The following RANBP2 variants were observed in gnomAD, a reference collection of about 807,000 sequenced individuals.
The protein encoded by RANBP2 is E3 SUMO-protein ligase RanBP2.
RANBP2 carries 57 observed loss-of-function variants against 303.6 expected under a neutral mutation model. The observed-to-expected ratio is 0.19, with a 90% CI of 0.15 to 0.23. RANBP2 has a LOEUF of 0.23. RANBP2 is among the 10% of genes least tolerant of loss of function. The pLI is 1.00. For missense variants in RANBP2, 3,138 were observed against 3,780.8 expected (o/e 0.83, Z 4.46); for synonymous variants, 1,167 against 1,301.5 (o/e 0.90, Z 2.23).
At chr2:109,623,995 T>C in the RANBP2 span, among the ~76,000 whole-genome samples, 79,431 of 152,036 alleles carry the variant, frequency 0.52, 24,091 homozygotes, top group Middle Eastern at 0.76. Context: ...TACAACAACG[T>C]GATAGGTGCC....
chr2:109,329,111 C>T, the RANBP2 span, among the ~76,000 whole-genome samples: 1,271 of 152,270 alleles, frequency 8.3e-3, 15 homozygotes, highest in East Asian at 0.044. Context: ...CTTACTCTTT[C>T]ATCTCCAAAT....
At chr2:109,737,738 GTTATTTTT>G in the RANBP2 span, among the ~76,000 whole-genome samples, 1 of 152,074 alleles carries the variant, frequency 6.6e-6, no homozygotes, top group South Asian at 2.1e-4. Flanking sequence ...TCCAGTATTT[GTTATTTTT>G]TTGTGTTTTT....
the RANBP2 span, among the ~76,000 whole-genome samples, chr2:109,121,662 T>C: frequency 6.6e-6 from 1 of 152,168 alleles, no homozygotes; most frequent in Non-Finnish European, 1.5e-5. Flanking sequence ...TGTCCTCTGC[T>C]TAGCAAGTGG....
chr2:109,147,828 C>G, the RANBP2 span, among the ~76,000 whole-genome samples: 2 of 152,164 alleles, frequency 1.3e-5, no homozygotes, highest in Non-Finnish European at 1.5e-5. Context: ...TTTAATAACT[C>G]CTGTAGATGA....
chr2:109,118,555 A>G, the RANBP2 span, among the ~76,000 whole-genome samples: 1 of 148,030 alleles, frequency 6.8e-6, no homozygotes, highest in East Asian at 2.3e-4. Context: ...ACTCAGCTGG[A>G]CTGGCAAAAC....
At chr2:109,621,087 C>T in the RANBP2 span, among the ~76,000 whole-genome samples, 10 of 152,208 alleles carry the variant, frequency 6.6e-5, no homozygotes, top group African/African-American at 2.2e-4. Context: ...AGCAGCCTAA[C>T]TTAGGATAAA....
chr2:109,476,748 T>TGAGCC, the RANBP2 span, among the ~76,000 whole-genome samples: 1 of 152,198 alleles, frequency 6.6e-6, no homozygotes, highest in East Asian at 1.9e-4. Flanking sequence ...GAATAGCTGT[T>TGAGCC]CCATAGACAG....
At chr2:109,387,290 G>A in the RANBP2 span, among the ~76,000 whole-genome samples, 2 of 152,122 alleles carry the variant, frequency 1.3e-5, no homozygotes, top group Non-Finnish European at 2.9e-5. Flanking sequence ...CCTTTTCTCA[G>A]CGCCAGGGCC....
At chr2:108,880,852 GAT>G in the RANBP2 span, among the ~76,000 whole-genome samples, 1 of 152,164 alleles carries the variant, frequency 6.6e-6, no homozygotes, top group East Asian at 1.9e-4. Flanking sequence ...TTCCATGCCT[GAT>G]AACATAACAT....
the RANBP2 span, among the ~76,000 whole-genome samples, chr2:109,022,755 A>T: frequency 3.3e-5 from 5 of 152,316 alleles, no homozygotes; most frequent in East Asian, 5.8e-4. Flanking sequence ...TCTATTTTTT[A>T]AAAAAGAATT....
the RANBP2 span, among the ~76,000 whole-genome samples, chr2:109,055,824 G>T: frequency 5.0e-5 from 7 of 140,982 alleles, no homozygotes; most frequent in South Asian, 2.3e-4. Context: ...GCAGTGGCGC[G>T]ATCTTGGCTC....
the RANBP2 span, among the ~76,000 whole-genome samples, chr2:109,414,687 C>T: frequency 4.6e-5 from 7 of 152,206 alleles, no homozygotes; most frequent in Admixed American, 2.6e-4. Flanking sequence ...CCAGCACCCT[C>T]ATCATCCACA....
At chr2:109,085,180 C>T in the RANBP2 span, among the ~76,000 whole-genome samples, 9 of 152,282 alleles carry the variant, frequency 5.9e-5, no homozygotes, top group South Asian at 6.2e-4. Context: ...AGCCCATTCC[C>T]GTTTGAGAGG....
the RANBP2 span, among the ~76,000 whole-genome samples, chr2:109,249,532 T>TTTCTTTTTCTTTCTTTCCTTCC: frequency 2.1e-5 from 2 of 96,498 alleles, no homozygotes; most frequent in African/African-American, 9.2e-5. Context: ...TCTTTCTTTC[T>TTTCTTTTTCTTTCTTTCCTTCC]TTCCTTCCTT....
chr2:109,025,797 C>G, the RANBP2 span, among the ~76,000 whole-genome samples: 6 of 134,702 alleles, frequency 4.5e-5, no homozygotes, highest in Non-Finnish European at 9.3e-5. Flanking sequence ...GACTCCGTCT[C>G]GAAAAAAAAA....
At chr2:109,661,467 C>T in the RANBP2 span, among the ~76,000 whole-genome samples, 2 of 152,110 alleles carry the variant, frequency 1.3e-5, no homozygotes, top group African/African-American at 2.4e-5. Flanking sequence ...AGGCTGCTCT[C>T]GAACTCCTGA....
chr2:109,454,722 G>T, the RANBP2 span, among the ~76,000 whole-genome samples: 4 of 152,168 alleles, frequency 2.6e-5, no homozygotes, highest in Non-Finnish European at 5.9e-5. Context: ...CATACAGTAG[G>T]GACGGTACAC....
chr2:109,472,348 G>A, the RANBP2 span, among the ~76,000 whole-genome samples: 2 of 102,306 alleles, frequency 2.0e-5, no homozygotes, highest in South Asian at 3.2e-4. Flanking sequence ...CGGTGGTCTC[G>A]GGCCGGTGTG....
the RANBP2 span, among the ~76,000 whole-genome samples, chr2:108,928,815 G>A: frequency 6.6e-6 from 1 of 152,184 alleles, no homozygotes; most frequent in Non-Finnish European, 1.5e-5. Context: ...TTTATTAGTA[G>A]CTTCCCCAGA....
Sources: gnomAD v4.1 joint callset for allele counts (sites outside exome capture counted in the v4.1 genomes callset) on GRCh38, gnomAD v4.1.1 for gene constraint, MANE v1.5 for transcripts, NCBI Gene and HGNC (gene_info 2026-07-23, HGNC 2026-07-21) for gene names.